Variants in RFX7 observed in about 807,000 individuals in gnomAD.
RFX7 encodes the protein regulatory factor X7, also known as DNA-binding protein RFX7.
A neutral mutation model predicts 111.8 loss-of-function variants in RFX7; 26 were observed. That is an observed-to-expected ratio of 0.23 (90% CI 0.17 to 0.32). The LOEUF (loss-of-function observed/expected upper bound fraction) is 0.32. Ranked by LOEUF, RFX7 falls within the 10% of genes least tolerant of loss-of-function variation. The probability of loss-of-function intolerance (pLI) is 1.00; values close to 1 mark genes in which losing one functional copy is unlikely to be tolerated. For synonymous variants in RFX7, 624 were observed against 624.4 expected, an observed-to-expected ratio of 1.00 and a Z score of 0.01; for missense variants, 1,573 against 1,772.9, an observed-to-expected ratio of 0.89 and a Z score of 2.02.
intron 2 of RFX7, among the ~76,000 whole-genome samples, chr15:56,230,316 A>C (rs1248395387): frequency 2.0e-5 from 3 of 152,230 alleles, no homozygotes; most frequent in Non-Finnish European, 4.4e-5. Flanking sequence ...TTTCATTTGG[A>C]ACACACATTA....
chr15:56,108,217 T>G (rs2041857674), intron 5 of RFX7, among the ~76,000 whole-genome samples: 1 of 152,210 alleles, frequency 6.6e-6, no homozygotes. Flanking sequence ...GAGGCCAGCA[T>G]CATCCTGATA....
chr15:56,218,401 G>C (rs2043389225), intron 2 of RFX7, among the ~76,000 whole-genome samples: 1 of 151,818 alleles, frequency 6.6e-6, no homozygotes, highest in Admixed American at 6.6e-5. Flanking sequence ...CAAAGTGCTG[G>C]GATTACAGGC....
intron 5 of RFX7, among the ~76,000 whole-genome samples, chr15:56,111,090 G>A (rs377332542): frequency 1.5e-5 from 2 of 130,254 alleles, no homozygotes; most frequent in African/African-American, 5.5e-5. Flanking sequence ...CTGCCCGGCC[G>A]CCCCTACTGG....
chr15:56,143,822 G>A (rs2042433698), intron 4 of RFX7, among the ~76,000 whole-genome samples: 1 of 152,142 alleles, frequency 6.6e-6, no homozygotes, highest in East Asian at 1.9e-4. Flanking sequence ...TTATATGAAT[G>A]AGATGAATTC....
chr15:56,189,883 T>C (rs909255013), intron 2 of RFX7: 3 of 152,164 alleles, frequency 2.0e-5, no homozygotes, highest in African/African-American at 7.2e-5. Context: ...ACAAAACAGA[T>C]GTTGAAGAAA....
chr15:56,150,797 T>C (rs1484373240), intron 3 of RFX7, among the ~76,000 whole-genome samples: 1 of 152,112 alleles, frequency 6.6e-6, no homozygotes, highest in Non-Finnish European at 1.5e-5. Context: ...TCTAACCCAA[T>C]GCAAGGAAGC....
chr15:56,095,748 C>A lies in RFX7; in HGVS notation c.1980G>T (p.Leu660=), dbSNP rs1347117450. 1 of 1,613,936 alleles carries A rather than the reference C, an allele frequency of 6.2e-7. No homozygotes were observed. The highest frequency in any genetic ancestry group is 8.5e-7 in the Non-Finnish European group (1 of 1,179,876). Residue 660 remains leucine, a synonymous_variant, in exon 10 of 10, where the codon CTG becomes CTT. Transcript: ENST00000559447. ...KLCTKSPRKR[L]SSTLQETQVP... Reference sequence around the variant, plus strand: ...CCTGGGTCTCCTGCAATGTAGAAGACAGTCGTTTTCTTGGGCTTTTAGTGC... The same window carrying A: ...CCTGGGTCTCCTGCAATGTAGAAGAAAGTCGTTTTCTTGGGCTTTTAGTGC...
intron 5 of RFX7, among the ~76,000 whole-genome samples, chr15:56,140,833 T>C (rs2042382185): frequency 6.6e-6 from 1 of 152,222 alleles, no homozygotes; most frequent in Non-Finnish European, 1.5e-5. Flanking sequence ...TCAAATATTA[T>C]AGGAAAACAT....
chr15:56,221,066 T>C (rs2043421845), intron 2 of RFX7, among the ~76,000 whole-genome samples: 1 of 152,230 alleles, frequency 6.6e-6, no homozygotes, highest in African/African-American at 2.4e-5. Context: ...CCATGCTGTT[T>C]TGGTTACTGT....
At chr15:56,208,270 T>A (rs2043275753) in intron 2 of RFX7, among the ~76,000 whole-genome samples, 1 of 152,150 alleles carries the variant, frequency 6.6e-6, no homozygotes, top group East Asian at 1.9e-4. Context: ...AGAGCATAAC[T>A]GACCTGGGCA....
rs116517816 is a variant in RFX7, at chr15:56,163,295, A to G, written c.195+15975T>C. ...ATTGTTAAGAATTACTACTGGAGTG[A>G]ACTACTCAAATTTATTGCTGGGAGT... On this transcript the variant is annotated intron_variant, in intron 3 of 9. Transcript: ENST00000559447. Among the ~76,000 whole-genome samples, 506 of 152,256 alleles carry G rather than the reference A, an allele frequency of 3.3e-3. 5 individuals are homozygous for G. Among genetic ancestry groups the G allele is most frequent in the African/African-American group, 0.012 (488 of 41,536 alleles).
In RFX7 at chr15:56,095,917, C is replaced by T; in HGVS notation, c.1811G>A (p.Ser604Asn). ...GCCTGGCAGCATTTCATTACAGCGA[C>T]TTTTACATTTGGTCCTCTGGTCACA... is the stretch of plus-strand genomic sequence containing the variant. ...KVCDQRTKCK[S>N]RCNEMLPGTS... Residue 604 changes from serine to asparagine, a missense_variant, in exon 10 of 10, where the codon AGT becomes AAT. By Grantham distance (46) the Ser-to-Asn change is conservative. This residue lies in a region of RFX7 where 625 missense variants were observed against 632.2 expected (regional missense o/e 0.99). Transcript: ENST00000559447. The T allele has an allele frequency of 2.5e-6, 4 of 1,605,784 alleles. No individual in the cohort carries two copies. The highest frequency in any genetic ancestry group is 2.5e-6 in the Non-Finnish European group (3 of 1,179,806).
At chr15:56,100,755 G>C (rs1332050666) in intron 8 of RFX7, among the ~76,000 whole-genome samples, 1 of 152,044 alleles carries the variant, frequency 6.6e-6, no homozygotes, top group Non-Finnish European at 1.5e-5. Context: ...ATTTAGGAGG[G>C]AGTCATTCTA....
chr15:56,188,378 T>G (rs2043064131), intron 2 of RFX7, among the ~76,000 whole-genome samples: 1 of 152,058 alleles, frequency 6.6e-6, no homozygotes, highest in Non-Finnish European at 1.5e-5. Flanking sequence ...AAATATAATG[T>G]TTAATAAATG....
At chr15:56,148,369 A>C (rs2042514939) in intron 3 of RFX7, among the ~76,000 whole-genome samples, 1 of 152,232 alleles carries the variant, frequency 6.6e-6, no homozygotes, top group South Asian at 2.1e-4. Context: ...CAATGCTACA[A>C]ACTTAATGAC....
intron 3 of RFX7, among the ~76,000 whole-genome samples, chr15:56,152,838 A>T (rs2042593349): frequency 2.0e-5 from 3 of 152,084 alleles, no homozygotes; most frequent in Admixed American, 2.0e-4. Context: ...GAAATGAGAG[A>T]AGAGTCAAAT....
Position 56,096,573 on chromosome 15 carries a change from A to C in RFX7, c.1155T>G (p.Ser385=), listed in dbSNP as rs1201328083. 3 of 1,597,552 alleles carry C rather than the reference A, an allele frequency of 1.9e-6. No individual in the cohort carries two copies. Among genetic ancestry groups the C allele is most frequent in the Admixed American group, 3.5e-5 (2 of 57,390 alleles). ...TGAGGGGAAGAACTTTGCCGTCAGAAGAACTCATTGGACTCGGTGAAGTTA... is the reference window on the plus strand; with the variant it reads ...TGAGGGGAAGAACTTTGCCGTCAGACGAACTCATTGGACTCGGTGAAGTTA... The part of the protein sequence containing the change: ...QLVTSPSPMS[S]SDGKVLPLNV... The change falls in exon 10 of 10, where the codon TCT becomes TCG. Residue 385 remains serine, a synonymous_variant. Transcript: ENST00000559447.
intron 8 of RFX7, among the ~76,000 whole-genome samples, chr15:56,100,699 G>T (rs1459762277): frequency 6.6e-6 from 1 of 152,056 alleles, no homozygotes; most frequent in East Asian, 1.9e-4. Flanking sequence ...ACTGAAATAA[G>T]ATATTTTTAA....
intron 2 of RFX7, among the ~76,000 whole-genome samples, chr15:56,211,963 C>G (rs1412305807): frequency 1.3e-5 from 2 of 152,044 alleles, no homozygotes; most frequent in Non-Finnish European, 2.9e-5. Flanking sequence ...CAGTTTCTCA[C>G]AAAACTAAAT....
Sources: allele counts gnomAD v4.1 joint callset (sites outside exome capture counted in the v4.1 genomes callset), GRCh38; gene constraint gnomAD v4.1.1; regional missense constraint gnomAD v4.1.1; transcripts MANE v1.5; gene names NCBI Gene and HGNC (gene_info 2026-07-23, HGNC 2026-07-21).